CYP20A1: variants seen among roughly 807,000 people sequenced by gnomAD.
The protein encoded by CYP20A1 is cytochrome P450 family 20 subfamily A member 1.
In CYP20A1, 61 loss-of-function variants were observed where a neutral mutation model predicts 61.4. The observed-to-expected ratio is 0.99, with a 90% CI of 0.81 to 1.23. The LOEUF (loss-of-function observed/expected upper bound fraction) is 1.23. CYP20A1 is among the 50% of genes most tolerant of loss of function. The pLI is 0.00. For synonymous variants in CYP20A1, 193 were observed against 188.2 expected (o/e 1.03, Z -0.21); for missense variants, 530 against 542.4 (o/e 0.98, Z 0.23).
At chr2:203,293,414 A>C (rs1424086136) in intron 11 of CYP20A1, among the ~76,000 whole-genome samples, 2 of 148,960 alleles carry the variant, frequency 1.3e-5, no homozygotes, top group Non-Finnish European at 3.0e-5. Context: ...ACAGGGTTTC[A>C]CCATGTTAGC....
chr2:203,267,159 T>C (rs1471565865), intron 5 of CYP20A1, among the ~76,000 whole-genome samples: 1 of 151,796 alleles, frequency 6.6e-6, no homozygotes, highest in East Asian at 1.9e-4. Flanking sequence ...TGAGACCCTG[T>C]CTCTAAAAAA....
At chr2:203,277,848 A>G (rs2067887634) in intron 6 of CYP20A1, among the ~76,000 whole-genome samples, 1 of 152,092 alleles carries the variant, frequency 6.6e-6, no homozygotes, top group South Asian at 2.1e-4. Flanking sequence ...TTTTCTGATT[A>G]TCTCACATCT....
chr2:203,269,117 GA>G (rs2067451795), intron 5 of CYP20A1, among the ~76,000 whole-genome samples: 1 of 151,928 alleles, frequency 6.6e-6, no homozygotes, highest in Non-Finnish European at 1.5e-5. Context: ...CTGTACTTTT[GA>G]CAACATTTAG....
Position 203,252,089 on chromosome 2 carries a change from A to G in CYP20A1, c.412A>G (p.Asn138Asp). 4 of 1,608,064 alleles carry G rather than the reference A, an allele frequency of 2.5e-6. No homozygotes were observed. Among genetic ancestry groups the G allele is most frequent in the Non-Finnish European group, 3.4e-6 (4 of 1,176,784 alleles). ...TGGTGTGACTGATTCTCTGAAGAGTAACTTTGCCCTCCTCCTAAAGGTAAG... is the reference window on the plus strand; with the variant it reads ...TGGTGTGACTGATTCTCTGAAGAGTGACTTTGCCCTCCTCCTAAAGGTAAG... ...ENGVTDSLKS[N>D]FALLLKLSEE... The change falls in exon 4 of 13, where the codon AAC becomes GAC. Residue 138 changes from asparagine to aspartate, a missense_variant. Asn to Asp is a conservative substitution (Grantham distance 23, BLOSUM62 1). Transcript: ENST00000356079.
chr2:203,274,342 T>C (rs983655517), intron 6 of CYP20A1, among the ~76,000 whole-genome samples: 12 of 151,958 alleles, frequency 7.9e-5, no homozygotes, highest in Non-Finnish European at 1.5e-4. Flanking sequence ...CCTGCCACCA[T>C]GCCCGGCTCA....
intron 5 of CYP20A1, among the ~76,000 whole-genome samples, chr2:203,267,608 G>T (rs2067381224): frequency 6.6e-6 from 1 of 152,072 alleles, no homozygotes; most frequent in South Asian, 2.1e-4. Flanking sequence ...ACTTTGGGAG[G>T]CCAAGGCAGG....
At chr2:203,270,843 A>G (rs2067534422) in intron 5 of CYP20A1, among the ~76,000 whole-genome samples, 1 of 145,378 alleles carries the variant, frequency 6.9e-6, no homozygotes, top group Non-Finnish European at 1.5e-5. Flanking sequence ...AGCTGGGACC[A>G]CAGATGCTCA....
chr2:203,240,854 T>C (rs534219343), intron 1 of CYP20A1, among the ~76,000 whole-genome samples: 1 of 152,302 alleles, frequency 6.6e-6, no homozygotes, highest in South Asian at 2.1e-4. Context: ...CACTGGAGGA[T>C]TTCAGCAGAT....
chr2:203,255,700 C>G (rs1361845639), intron 4 of CYP20A1, among the ~76,000 whole-genome samples: 2 of 152,168 alleles, frequency 1.3e-5, no homozygotes, highest in Admixed American at 1.3e-4. Flanking sequence ...ATGATTTAGC[C>G]TGGCTACTTT....
chr2:203,305,030 A>G lies in CYP20A1; in HGVS notation c.*8122A>G, dbSNP rs1475218104. 6.6e-6 allele frequency among the ~76,000 whole-genome samples: 1 copy of G among 152,104 alleles called. No individual in the cohort carries two copies. The highest frequency in any genetic ancestry group is 1.5e-5 in the Non-Finnish European group (1 of 68,026). On this transcript the variant is annotated 3_prime_UTR_variant, in exon 13 of 13. Coordinates refer to ENST00000356079, the MANE Select transcript of CYP20A1 (RefSeq NM_177538.3). ...TTTTTTAAAGGGAATAGACTTATAGATCAATTTTAATATTTGACTTATAGA... is the reference window on the plus strand; with the variant it reads ...TTTTTTAAAGGGAATAGACTTATAGGTCAATTTTAATATTTGACTTATAGA...
intron 1 of CYP20A1, among the ~76,000 whole-genome samples, chr2:203,243,226 C>G (rs1249539804): frequency 6.6e-6 from 1 of 152,090 alleles, no homozygotes; most frequent in African/African-American, 2.4e-5. Context: ...TCACTGCAAC[C>G]TTCACCTTCC....
In CYP20A1 at chr2:203,303,043, C is replaced by A. The variant is rs1211672150; in HGVS notation, c.*6135C>A. ...TGAGATGGAGTCTCGCTGTGTCACC[C>A]AGGCTGGAGTGTGGTGGCACGATCT... is the stretch of plus-strand genomic sequence containing the variant. On this transcript the variant is annotated 3_prime_UTR_variant, in exon 13 of 13. Transcript: ENST00000356079. 1.3e-5 allele frequency among the ~76,000 whole-genome samples: 2 copies of A among 151,740 alleles called. No homozygotes were observed. The highest frequency in any genetic ancestry group is 2.9e-5 in the Non-Finnish European group (2 of 67,978).
In CYP20A1 at chr2:203,250,223, A is replaced by G. The variant is rs1256675486; in HGVS notation, c.290-1744A>G. ...TAAATATCAATGGCTGAATAAATGA[A>G]TACTTTCAGGCCTGAATACGATGAT... On this transcript the variant is annotated intron_variant, in intron 3 of 12. Coordinates refer to ENST00000356079, the MANE Select transcript of CYP20A1 (RefSeq NM_177538.3). 2.4e-4 allele frequency among the ~76,000 whole-genome samples: 36 copies of G among 152,226 alleles called. 1 individual carries two copies. The highest frequency in any genetic ancestry group is 2.4e-3 in the Admixed American group (36 of 15,274).
chr2:203,286,553 A>G (rs1423000324), intron 9 of CYP20A1, among the ~76,000 whole-genome samples: 3 of 152,216 alleles, frequency 2.0e-5, no homozygotes, highest in Non-Finnish European at 4.4e-5. Flanking sequence ...AACAACACAG[A>G]TGAATCTTAG....
At chr2:203,268,047 A>G (rs1364073069) in intron 5 of CYP20A1, among the ~76,000 whole-genome samples, 1 of 152,148 alleles carries the variant, frequency 6.6e-6, no homozygotes, top group Non-Finnish European at 1.5e-5. Context: ...ACCCAGGTTC[A>G]GCAGTTGTTT....
intron 6 of CYP20A1, among the ~76,000 whole-genome samples, chr2:203,274,660 A>T (rs558750758): frequency 6.6e-6 from 1 of 151,938 alleles, no homozygotes; most frequent in Admixed American, 6.6e-5. Flanking sequence ...GCTAGGCCCT[A>T]TTCTGTGCAC....
intron 11 of CYP20A1, among the ~76,000 whole-genome samples, chr2:203,295,275 A>G (rs1414282573): frequency 1.3e-5 from 2 of 151,512 alleles, no homozygotes; most frequent in African/African-American, 2.4e-5. Context: ...AGGTCTCGCT[A>G]TGTTGCCCAG....
At chr2:203,296,733 A>G in intron 12 of CYP20A1, 25 bp from the exon 13 acceptor site, 1 of 1,567,712 alleles carries the variant, frequency 6.4e-7, no homozygotes, top group Non-Finnish European at 8.6e-7. Context: ...ATCTTTAGTA[A>G]CTAATTGACT....
intron 4 of CYP20A1, among the ~76,000 whole-genome samples, chr2:203,255,449 G>A (rs1055916458): frequency 4.6e-5 from 7 of 152,036 alleles, no homozygotes; most frequent in Non-Finnish European, 7.4e-5. Flanking sequence ...ATTTATAATC[G>A]GAACATATTT....
Sources: allele counts gnomAD v4.1 joint callset (sites outside exome capture counted in the v4.1 genomes callset), GRCh38; gene constraint gnomAD v4.1.1; transcripts MANE v1.5; gene names NCBI Gene and HGNC (gene_info 2026-07-23, HGNC 2026-07-21).